The following ZNF831 variants were observed in gnomAD, a reference collection of about 807,000 sequenced individuals.
ZNF831 encodes the protein zinc finger protein 831.
A neutral mutation model predicts 95.8 loss-of-function variants in ZNF831; 59 were observed. The observed-to-expected ratio is 0.62, with a 90% CI of 0.50 to 0.77. ZNF831 has a LOEUF of 0.77. Ranked by LOEUF, ZNF831 falls within the 30% of genes least tolerant of loss-of-function variation. ZNF831 has a pLI of 0.00. For synonymous variants in ZNF831, 961 were observed against 925.5 expected, an observed-to-expected ratio of 1.04 and a Z score of -0.70; for missense variants, 2,205 against 2,164.0, an observed-to-expected ratio of 1.02 and a Z score of -0.38.
intron 1 of ZNF831, among the ~76,000 whole-genome samples, chr20:59,142,318 G>C (rs778073261): frequency 6.6e-6 from 1 of 152,188 alleles, no homozygotes; most frequent in Non-Finnish European, 1.5e-5. Flanking sequence ...GCTGGGAGCC[G>C]TACTTCCTTT....
chr20:59,239,736 C>G (rs899817316), intron 4 of ZNF831, among the ~76,000 whole-genome samples: 1 of 151,958 alleles, frequency 6.6e-6, no homozygotes, highest in African/African-American at 2.4e-5. Flanking sequence ...GTAGAGACAG[C>G]GTTTCACCAT....
intron 1 of ZNF831, among the ~76,000 whole-genome samples, chr20:59,176,326 G>A (rs1024943876): frequency 6.6e-6 from 1 of 152,176 alleles, no homozygotes; most frequent in African/African-American, 2.4e-5. Context: ...GTGGAGGAAG[G>A]GATTGACCAG....
At chr20:59,146,204 A>G (rs1245406561) in intron 1 of ZNF831, 1 of 144,322 alleles carries the variant, frequency 6.9e-6, no homozygotes, top group Non-Finnish European at 1.5e-5. Context: ...CTCCACACAC[A>G]CAATTTTTCT....
In ZNF831 at chr20:59,191,034, A is replaced by G. The variant is rs569563465; in HGVS notation, c.15A>G (p.Glu5=). The change falls in exon 2 of 6, where the codon GAA becomes GAG. Residue 5 remains glutamate (E), a synonymous_variant. Transcript: ENST00000371030. MEVP[E]PTCPAPPARD... is the part of the protein sequence containing the mutation. Reference sequence around the variant, plus strand: ...GATGATGCGGAATGGAGGTTCCAGAACCCACCTGCCCTGCCCCTCCTGCGA... The same window carrying G: ...GATGATGCGGAATGGAGGTTCCAGAGCCCACCTGCCCTGCCCCTCCTGCGA... 3 of 1,485,034 alleles carry G rather than the reference A, an allele frequency of 2.0e-6. No individual in the cohort carries two copies. In the Admixed American group the frequency reaches 7.4e-5, roughly 37 times the overall value. The allele number at this position is 1,485,034 out of a possible 1,614,324, so 92.0% of individuals were successfully genotyped here.
Position 59,232,281 on chromosome 20 carries a change from G to A in ZNF831, c.4028-20697G>A, listed in dbSNP as rs1011120573. On this transcript the variant is annotated intron_variant, in intron 4 of 5. Coordinates refer to ENST00000371030, the MANE Select transcript of ZNF831 (RefSeq NM_178457.3). ...TACCTTTTTAAAGAAGAAAAAAACC[G>A]CTTGATAAGTGCAAACTGACATTAA... 1.4e-4 allele frequency among the ~76,000 whole-genome samples: 22 copies of A among 151,828 alleles called. 1 individual carries two copies. Among genetic ancestry groups the A allele is most frequent in the East Asian group, 3.9e-4 (2 of 5,188 alleles).
chr20:59,136,810 T>C (rs1206006173), intron 1 of ZNF831, among the ~76,000 whole-genome samples: 1 of 152,244 alleles, frequency 6.6e-6, no homozygotes, highest in African/African-American at 2.4e-5. Flanking sequence ...CCCCAGGTTT[T>C]ATCTGGGCAC....
intron 1 of ZNF831, among the ~76,000 whole-genome samples, chr20:59,166,760 G>A (rs888835071): frequency 1.3e-5 from 2 of 152,172 alleles, no homozygotes; most frequent in South Asian, 2.1e-4. Context: ...TGTGTCAACG[G>A]TATGCTTCTT....
chr20:59,193,605 C>T lies in ZNF831; in HGVS notation c.2586C>T (p.Pro862=), dbSNP rs767877581. 1.7e-5 allele frequency: 27 copies of T among 1,612,012 alleles called. No individual in the cohort carries two copies. The highest frequency in any genetic ancestry group is 8.8e-5 in the South Asian group (8 of 90,940). The change falls in exon 2 of 6, where the codon CCC becomes CCT. Residue 862 remains proline, a synonymous_variant. Coordinates refer to ENST00000371030, the MANE Select transcript of ZNF831 (RefSeq NM_178457.3). ...SLSSQKQDAD[P]GEVPGGSKES... is the part of the protein sequence containing the mutation. ...CATCCCAGAAGCAGGATGCCGATCC[C>T]GGGGAGGTGCCAGGGGGCTCAAAGG...
intron 1 of ZNF831, among the ~76,000 whole-genome samples, chr20:59,170,498 G>A (rs1368092791): frequency 6.6e-6 from 1 of 152,158 alleles, no homozygotes; most frequent in Non-Finnish European, 1.5e-5. Flanking sequence ...CAGAGAACAT[G>A]CTTTGTATGA....
intron 1 of ZNF831, among the ~76,000 whole-genome samples, chr20:59,136,348 G>T (rs1412121483): frequency 6.6e-6 from 1 of 152,140 alleles, no homozygotes; most frequent in Admixed American, 6.5e-5. Flanking sequence ...ATCTTAAAGT[G>T]AGCTAATTTG....
At position 59,195,859 on chromosome 20, in the gene ZNF831, G is replaced by A. The variant is rs188965181; in HGVS notation, c.3739-10G>A. On this transcript the variant is annotated splice_polypyrimidine_tract_variant and intron_variant, in intron 2 of 5. Transcript: ENST00000371030. The stretch of plus-strand genomic sequence containing the variant: ...GAGTAATGTGATGCCAACATGCTTG[G>A]TGTTTTCAGTTCTCCTACCCAACAG... 21 of 1,610,154 alleles carry A rather than the reference G, an allele frequency of 1.3e-5. No homozygotes were observed. The East Asian group carries it at 3.8e-4, about 29-fold the overall frequency.
At chr20:59,150,947 C>A (rs772355206) in intron 2 of ZNF831, among the ~76,000 whole-genome samples, 1 of 152,182 alleles carries the variant, frequency 6.6e-6, no homozygotes, top group Non-Finnish European at 1.5e-5. Context: ...GAGATGGGAA[C>A]GGCTGTGTCA....
At chr20:59,146,083 T>C (rs1294738613) in intron 1 of ZNF831, 1 of 152,098 alleles carries the variant, frequency 6.6e-6, no homozygotes, top group Non-Finnish European at 1.5e-5. Context: ...AGGCAAACCA[T>C]ATCACCAGCG....
rs1225528900 is a variant in ZNF831, at chr20:59,192,190, G to A, written c.1171G>A (p.Gly391Arg). The A allele has an allele frequency of 6.4e-7, 1 of 1,572,034 alleles. No homozygotes were observed. The highest frequency in any genetic ancestry group is 1.8e-5 in the Admixed American group (1 of 54,252). The stretch of plus-strand genomic sequence containing the variant: ...GCCAGGGGTCGCAGGGGCCGAGCCC[G>A]GGGCGCGAGAAGCCGGCCTGGAGCT... The part of the protein sequence containing the change: ...PGPGVAGAEP[G>R]AREAGLELEK... Residue 391 changes from glycine (G) to arginine (R), a missense_variant, in exon 2 of 6, where the codon GGG becomes AGG. By Grantham distance (125) the Gly-to-Arg change is moderately radical (BLOSUM62 -2). Coordinates refer to ENST00000371030, the MANE Select transcript of ZNF831 (RefSeq NM_178457.3). The surrounding 1 kb of genome is among the most constrained non-coding windows in gnomAD (Gnocchi z 5.2).
intron 4 of ZNF831, among the ~76,000 whole-genome samples, chr20:59,232,505 C>T (rs188122129): frequency 1.8e-4 from 27 of 152,170 alleles, no homozygotes; most frequent in African/African-American, 4.1e-4. Context: ...CTGGGACCCC[C>T]GAGACACTGG....
intron 1 of ZNF831, among the ~76,000 whole-genome samples, chr20:59,182,643 A>T (rs1982709437): frequency 6.6e-6 from 1 of 152,218 alleles, no homozygotes; most frequent in African/African-American, 2.4e-5. Context: ...TTGTGTATGA[A>T]AATTAGGCAA....
intron 2 of ZNF831, among the ~76,000 whole-genome samples, chr20:59,154,762 G>A (rs969663514): frequency 2.0e-5 from 3 of 152,128 alleles, no homozygotes; most frequent in African/African-American, 4.8e-5. Context: ...CCCATTTAGC[G>A]CCTTGGCACT....
chr20:59,255,955 C>T lies in ZNF831; in HGVS notation c.*1212C>T, dbSNP rs997100125. 15 of 152,198 alleles carry T rather than the reference C, an allele frequency of 9.9e-5. No homozygotes were observed. Among genetic ancestry groups the T allele is most frequent in the Admixed American group, 6.5e-4 (10 of 15,286 alleles). 9.4% of individuals were successfully genotyped at this position (152,198 alleles called of 1,614,324 possible). A position where few individuals can be genotyped will look rare whatever the true frequency, so the allele number is the denominator to read the frequency against. ...AGCCTCAGTTCCACTGCCTTCCTCT[C>T]CCTCTCCTTCCACGGGAGAGGAGAA... On this transcript the variant is annotated 3_prime_UTR_variant, in exon 6 of 6. Coordinates refer to ENST00000371030, the MANE Select transcript of ZNF831 (RefSeq NM_178457.3).
chr20:59,194,799 A>G (rs454356), intron 2 of ZNF831, 42 bp downstream of exon 2: 355,246 of 1,512,504 alleles, frequency 0.23, 43,321 homozygotes, highest in African/African-American at 0.4. Context: ...TTGAGAGAGC[A>G]TGTTGTTATC....
Sources: allele counts gnomAD v4.1 joint callset (sites outside exome capture counted in the v4.1 genomes callset), GRCh38; gene constraint gnomAD v4.1.1; non-coding constraint Gnocchi (gnomAD v3.1); transcripts MANE v1.5; gene names NCBI Gene and HGNC (gene_info 2026-07-23, HGNC 2026-07-21).